EYS: variants seen among roughly 807,000 people sequenced by gnomAD.
EYS encodes protein eyes shut homolog.
In EYS, 250 loss-of-function variants were observed where a neutral mutation model predicts 282.1. The observed-to-expected ratio is 0.89, with a 90% CI of 0.80 to 0.98. EYS has a LOEUF of 0.98. Ranked by LOEUF, EYS falls within the 50% of genes least tolerant of loss-of-function variation. EYS has a pLI of 0.00. For synonymous variants in EYS, 1,355 were observed against 1,282.9 expected, an observed-to-expected ratio of 1.06 and a Z score of -1.20; for missense variants, 4,016 against 3,709.0, an observed-to-expected ratio of 1.08 and a Z score of -2.15.
intron 40 of EYS, among the ~76,000 whole-genome samples, chr6:63,767,273 AAG>A (rs762587813): frequency 6.6e-6 from 1 of 152,106 alleles, no homozygotes; most frequent in Non-Finnish European, 1.5e-5. Context: ...TCCAGATAGA[AAG>A]AGAGGAATTC....
At chr6:64,666,066 C>A (rs1267178385) in intron 22 of EYS, among the ~76,000 whole-genome samples, 1 of 152,134 alleles carries the variant, frequency 6.6e-6, no homozygotes, top group Admixed American at 6.5e-5. Context: ...AAGGGAACAA[C>A]AGACACTGAG....
rs544037430 is a variant in EYS, at chr6:65,686,868, T to G, written c.-448+20267A>C. Reference sequence around the variant, plus strand: ...CTGGTAAAAGTTAAGAGGTACTCATTGGAAGCTAGAATTGATGGGGCTTGG... The same window carrying G: ...CTGGTAAAAGTTAAGAGGTACTCATGGGAAGCTAGAATTGATGGGGCTTGG... On this transcript the variant is annotated intron_variant, in intron 1 of 42. Transcript: ENST00000503581. Among the ~76,000 whole-genome samples, 3 of 152,116 alleles carry G rather than the reference T, an allele frequency of 2.0e-5. No individual in the cohort carries two copies. In the East Asian group the frequency reaches 5.8e-4, roughly 30 times the overall value.
chr6:64,887,791 G>A (rs1364361591), intron 18 of EYS, among the ~76,000 whole-genome samples: 3 of 152,034 alleles, frequency 2.0e-5, no homozygotes, highest in Non-Finnish European at 4.4e-5. Flanking sequence ...AACAGGACAG[G>A]AATACAGATA....
chr6:65,013,144 A>G (rs7745171), intron 13 of EYS, among the ~76,000 whole-genome samples: 41,909 of 152,140 alleles, frequency 0.28, 7,311 homozygotes, highest in African/African-American at 0.48. Context: ...ACCTACTGCT[A>G]AATATTTAAT....
chr6:64,999,711 GGC>G (rs1163549070), intron 13 of EYS, among the ~76,000 whole-genome samples: 9 of 152,292 alleles, frequency 5.9e-5, no homozygotes, highest in African/African-American at 1.9e-4. Context: ...GACATTGAGA[GGC>G]ACACATCAGC....
At chr6:65,164,419 T>A (rs556325088) in intron 12 of EYS, among the ~76,000 whole-genome samples, 2 of 113,802 alleles carry the variant, frequency 1.8e-5, no homozygotes, top group East Asian at 4.2e-4. Flanking sequence ...CATTTGTTAT[T>A]TTTTTCCTTT....
chr6:65,660,835 G>T (rs1195258562), intron 1 of EYS, among the ~76,000 whole-genome samples: 1 of 151,732 alleles, frequency 6.6e-6, no homozygotes, highest in Admixed American at 6.6e-5. Flanking sequence ...CAATTAGAAA[G>T]CACCTCAGGA....
chr6:64,840,539 A>G (rs190835279), intron 19 of EYS, among the ~76,000 whole-genome samples: 2 of 152,254 alleles, frequency 1.3e-5, no homozygotes, highest in Admixed American at 1.3e-4. Context: ...ATTCCAAGGG[A>G]AAGATGGCAG....
intron 31 of EYS, among the ~76,000 whole-genome samples, chr6:64,096,436 G>T (rs931261753): frequency 3.9e-5 from 6 of 152,138 alleles, no homozygotes; most frequent in Non-Finnish European, 5.9e-5. Flanking sequence ...ATTTCTTAGA[G>T]GCTTTGTTCA....
intron 2 of EYS, among the ~76,000 whole-genome samples, chr6:65,628,970 A>AT (rs1766817358): frequency 6.6e-6 from 1 of 152,208 alleles, no homozygotes; most frequent in African/African-American, 2.4e-5. Context: ...GTTGAAACAC[A>AT]TTTTTAACCA....
At chr6:64,027,283 G>A (rs1347052845) in intron 33 of EYS, among the ~76,000 whole-genome samples, 3 of 152,100 alleles carry the variant, frequency 2.0e-5, no homozygotes, top group African/African-American at 7.3e-5. Flanking sequence ...CATAACTCAG[G>A]GAAAGGAAGA....
In EYS at chr6:63,884,545, C is replaced by G. The variant is rs539456012; in HGVS notation, c.7056-20187G>C. Among the ~76,000 whole-genome samples, 39 of 152,220 alleles carry G rather than the reference C, an allele frequency of 2.6e-4. No individual in the cohort carries two copies. In the South Asian group the frequency reaches 8.1e-3, roughly 32 times the overall value. ...AATTCATTGAGATTTGTGTGCTTTA[C>G]TGTATGTATGTTATCTTTTATTTTA... On this transcript the variant is annotated intron_variant, in intron 35 of 42. Transcript: ENST00000503581.
intron 41 of EYS, among the ~76,000 whole-genome samples, chr6:63,732,957 A>G (rs542032431): frequency 6.6e-6 from 1 of 152,292 alleles, no homozygotes; most frequent in South Asian, 2.1e-4. Context: ...GGAAAGGAGA[A>G]AGGCATGTAT....
intron 29 of EYS, among the ~76,000 whole-genome samples, chr6:64,339,658 T>C (rs1771016845): frequency 6.6e-6 from 1 of 151,932 alleles, no homozygotes; most frequent in South Asian, 2.1e-4. Context: ...GAAGTCATTA[T>C]ACAAAAGATA....
chr6:64,546,331 G>A (rs553740980), intron 26 of EYS, among the ~76,000 whole-genome samples: 6 of 152,298 alleles, frequency 3.9e-5, no homozygotes, highest in Admixed American at 2.6e-4. Context: ...GTAGAAAGCT[G>A]AAACTGGATC....
At chr6:64,948,507 TA>T (rs1217854108) in intron 14 of EYS, among the ~76,000 whole-genome samples, 5 of 146,868 alleles carry the variant, frequency 3.4e-5, no homozygotes, top group African/African-American at 1.2e-4. Flanking sequence ...ATATTAATTA[TA>T]AAAATAGAAA....
intron 12 of EYS, 116 bp downstream of exon 12, chr6:65,295,747 G>A (rs968049286): frequency 3.2e-6 from 3 of 934,736 alleles, no homozygotes; most frequent in African/African-American, 1.7e-5. Context: ...AATAAGAAAT[G>A]AGACAACAAT....
At chr6:63,811,988 A>G (rs936600152) in intron 36 of EYS, among the ~76,000 whole-genome samples, 2 of 152,126 alleles carry the variant, frequency 1.3e-5, no homozygotes, top group Non-Finnish European at 2.9e-5. Context: ...CCAAACTATA[A>G]TATTTGCTTC....
intron 29 of EYS, among the ~76,000 whole-genome samples, chr6:64,352,808 T>C (rs1771687087): frequency 1.3e-5 from 2 of 151,690 alleles, no homozygotes; most frequent in South Asian, 2.1e-4. Flanking sequence ...TGGGAAAATA[T>C]AATTTTATTG....
Sources: allele counts gnomAD v4.1 joint callset (sites outside exome capture counted in the v4.1 genomes callset), GRCh38; gene constraint gnomAD v4.1.1; transcripts MANE v1.5; gene names NCBI Gene and HGNC (gene_info 2026-07-23, HGNC 2026-07-21).